Variants in PEBP4 observed in about 807,000 individuals in gnomAD.
The protein encoded by PEBP4 is phosphatidylethanolamine-binding protein 4.
In PEBP4, 22 loss-of-function variants were observed where a neutral mutation model predicts 23.9. That is an observed-to-expected ratio of 0.92 (90% confidence interval 0.66 to 1.31). The LOEUF (loss-of-function observed/expected upper bound fraction) is 1.31, where lower values mean the gene tolerates loss of function less well. Among genes scored for constraint, PEBP4 ranks in the 40% most tolerant of loss-of-function variants. PEBP4 has a pLI of 0.00. For missense variants in PEBP4, 324 were observed against 281.7 expected, an observed-to-expected ratio of 1.15 and a Z score of -1.07; for synonymous variants, 112 against 99.3, an observed-to-expected ratio of 1.13 and a Z score of -0.76.
At chr8:22,772,493 C>CTTTTTTTTTT (rs34489811) in intron 4 of PEBP4, among the ~76,000 whole-genome samples, 9 of 121,628 alleles carry the variant, frequency 7.4e-5, no homozygotes, top group Non-Finnish European at 1.3e-4. Context: ...CTCTCTCTCT[C>CTTTTTTTTTT]TTTTTTTTTT....
intron 3 of PEBP4, among the ~76,000 whole-genome samples, chr8:22,826,681 TAGA>T (rs1806975286): frequency 6.6e-6 from 1 of 152,216 alleles, no homozygotes. Flanking sequence ...TTTATTTTTA[TAGA>T]AGAAGGAGAA....
intron 3 of PEBP4, among the ~76,000 whole-genome samples, chr8:22,846,647 C>T (rs1722954275): frequency 6.6e-6 from 1 of 152,100 alleles, no homozygotes; most frequent in South Asian, 2.1e-4. Context: ...GTCACTGATC[C>T]CCAAAGCATC....
intron 4 of PEBP4, among the ~76,000 whole-genome samples, chr8:22,763,781 G>C (rs777527055): frequency 6.6e-6 from 1 of 152,154 alleles, no homozygotes. Context: ...GAACTACCAT[G>C]GTTGTAGTTC....
chr8:22,937,300 C>T (rs764305793), intron 1 of PEBP4, among the ~76,000 whole-genome samples: 18 of 152,068 alleles, frequency 1.2e-4, no homozygotes, highest in East Asian at 1.9e-4. Flanking sequence ...GCTCTAAAAA[C>T]GAAGAATTCA....
intron 6 of PEBP4, among the ~76,000 whole-genome samples, chr8:22,715,249 T>C (rs1436409968): frequency 1.3e-5 from 2 of 152,348 alleles, no homozygotes; most frequent in Non-Finnish European, 2.9e-5. Flanking sequence ...GGAGGTGTAC[T>C]GACTGCAGCC....
intron 4 of PEBP4, among the ~76,000 whole-genome samples, chr8:22,736,990 G>A (rs539741873): frequency 4.6e-5 from 7 of 152,252 alleles, no homozygotes; most frequent in Admixed American, 2.0e-4. Flanking sequence ...GCATGAGACC[G>A]CAAAGCTGAA....
At chr8:22,832,552 AG>A (rs1351667177) in intron 3 of PEBP4, among the ~76,000 whole-genome samples, 4 of 152,110 alleles carry the variant, frequency 2.6e-5, no homozygotes, top group Admixed American at 1.3e-4. Context: ...GTTCAGGGAG[AG>A]GGGCTTTCCT....
intron 4 of PEBP4, among the ~76,000 whole-genome samples, chr8:22,773,082 A>G (rs1201687424): frequency 2.1e-5 from 3 of 140,838 alleles, no homozygotes; most frequent in East Asian, 2.0e-4. Flanking sequence ...AATTACTTCT[A>G]TCTACCACCC....
intron 4 of PEBP4, among the ~76,000 whole-genome samples, chr8:22,767,071 G>C (rs1464777290): frequency 1.3e-5 from 2 of 152,186 alleles, no homozygotes; most frequent in African/African-American, 4.8e-5. Context: ...GCCATACGAA[G>C]GGGTGTTCCG....
At chr8:22,774,806 C>T (rs549147929) in intron 4 of PEBP4, among the ~76,000 whole-genome samples, 8 of 152,288 alleles carry the variant, frequency 5.3e-5, no homozygotes, top group Admixed American at 4.6e-4. Context: ...TGTCTGTCAG[C>T]GCCTCTGACT....
intron 3 of PEBP4, among the ~76,000 whole-genome samples, chr8:22,869,104 T>C (rs1807959969): frequency 1.3e-5 from 2 of 152,216 alleles, no homozygotes; most frequent in Admixed American, 1.3e-4. Flanking sequence ...TCATGGCCTT[T>C]GTACTGGCTG....
At chr8:22,931,953 G>C (rs913150337), upstream of PEBP4, among the ~76,000 whole-genome samples, 1 of 152,014 alleles carries the variant, frequency 6.6e-6, no homozygotes, top group Non-Finnish European at 1.5e-5. Context: ...CAATTTCTTC[G>C]CCCTTATCTT....
rs551907992 is a variant in PEBP4, at chr8:22,771,048, T to C, written c.358-43828A>G. ...AACCGTGATGCTTGGTGAAATGCCA[T>C]GAGCATCCCATCACCTTTGTTTAGG... is the stretch of plus-strand genomic sequence containing the variant. On this transcript the variant is annotated intron_variant, in intron 4 of 6. Transcript: ENST00000256404. Among the ~76,000 whole-genome samples, 4 of 152,384 alleles carry C rather than the reference T, an allele frequency of 2.6e-5. No homozygotes were observed. In the East Asian group the frequency reaches 7.7e-4, roughly 29 times the overall value.
At chr8:22,753,368 T>C (rs1435396187) in intron 4 of PEBP4, among the ~76,000 whole-genome samples, 1 of 152,134 alleles carries the variant, frequency 6.6e-6, no homozygotes, top group Non-Finnish European at 1.5e-5. Context: ...GCATCGAAAC[T>C]GGGGGCCGCA....
intron 4 of PEBP4, among the ~76,000 whole-genome samples, chr8:22,737,644 A>G (rs1804895551): frequency 6.6e-6 from 1 of 152,194 alleles, no homozygotes; most frequent in African/African-American, 2.4e-5. Flanking sequence ...AGCCTCAGTC[A>G]ATGAGCAACT....
chr8:22,915,140 G>T (rs1177672090), intron 3 of PEBP4, among the ~76,000 whole-genome samples: 1 of 151,964 alleles, frequency 6.6e-6, no homozygotes, highest in African/African-American at 2.4e-5. Context: ...CCCAGCCCAT[G>T]GTCCATGCCA....
chr8:22,865,461 C>T lies in PEBP4; in HGVS notation c.259-47726G>A, dbSNP rs936721007. 1.3e-5 allele frequency among the ~76,000 whole-genome samples: 2 copies of T among 151,560 alleles called. No homozygotes were observed. The highest frequency in any genetic ancestry group is 2.0e-4 in the East Asian group (1 of 5,040). ...TGGGCGGGGGCCGCACTTTCCCCGC[C>T]GCGAGGTGGAGCGCGCCACCGCCCC... On this transcript the variant is annotated intron_variant, in intron 3 of 6. Transcript: ENST00000256404. The surrounding 1 kb of genome is among the most constrained non-coding windows in gnomAD (Gnocchi z 6.9).
intron 4 of PEBP4, among the ~76,000 whole-genome samples, chr8:22,766,887 G>T (rs1046687685): frequency 1.2e-4 from 19 of 152,298 alleles, no homozygotes; most frequent in Admixed American, 6.5e-5. Context: ...TTGAATGATT[G>T]CTTCTGCAAG....
At chr8:22,882,450 G>A (rs907184479) in intron 3 of PEBP4, among the ~76,000 whole-genome samples, 6 of 152,208 alleles carry the variant, frequency 3.9e-5, no homozygotes, top group Non-Finnish European at 8.8e-5. Context: ...AGGATTTGGG[G>A]TGGTGTGGAG....
Sources: allele counts gnomAD v4.1 joint callset (sites outside exome capture counted in the v4.1 genomes callset), GRCh38; gene constraint gnomAD v4.1.1; non-coding constraint Gnocchi (gnomAD v3.1); transcripts MANE v1.5; gene names NCBI Gene and HGNC (gene_info 2026-07-23, HGNC 2026-07-21).